ATG7: variants seen among roughly 807,000 people sequenced by gnomAD.
The protein encoded by ATG7 is ubiquitin-like modifier-activating enzyme ATG7.
In ATG7, 70 loss-of-function variants were observed where a neutral mutation model predicts 82.4. The observed-to-expected ratio is 0.85, with a 90% CI of 0.70 to 1.04. The LOEUF (loss-of-function observed/expected upper bound fraction) is 1.04. ATG7 is among the 50% of genes least tolerant of loss of function. ATG7 has a pLI of 0.00. For synonymous variants in ATG7, 287 were observed against 313.0 expected (o/e 0.92, Z 0.88); for missense variants, 792 against 864.3 (o/e 0.92, Z 1.05).
intron 20 of ATG7, among the ~76,000 whole-genome samples, chr3:11,512,681 C>G (rs1298016848): frequency 3.3e-5 from 5 of 152,152 alleles, no homozygotes; most frequent in Non-Finnish European, 7.4e-5. Context: ...AGTGTTACAG[C>G]TCATAAAAGC....
At chr3:11,319,702 TG>T (rs1313764106) in intron 9 of ATG7, among the ~76,000 whole-genome samples, 1 of 152,248 alleles carries the variant, frequency 6.6e-6, no homozygotes, top group Non-Finnish European at 1.5e-5. Flanking sequence ...AGAATGATGC[TG>T]CTTCTATCCA....
intron 20 of ATG7, among the ~76,000 whole-genome samples, chr3:11,513,778 C>T (rs774357688): frequency 2.2e-4 from 33 of 152,320 alleles, no homozygotes; most frequent in Non-Finnish European, 4.4e-4. Flanking sequence ...GCGAGGGCTG[C>T]GAGGGCTGCC....
intron 6 of ATG7, 128 bp downstream of exon 6, chr3:11,307,188 C>A: frequency 2.4e-6 from 2 of 848,974 alleles, no homozygotes; most frequent in Non-Finnish European, 3.9e-6. Flanking sequence ...CACTTGTGGG[C>A]TTTGGTATAT....
chr3:11,464,803 T>G (rs1169444425), intron 20 of ATG7, among the ~76,000 whole-genome samples: 1 of 152,204 alleles, frequency 6.6e-6, no homozygotes, highest in Non-Finnish European at 1.5e-5. Flanking sequence ...GCTCTACTGC[T>G]TCTTTGCTGT....
intron 9 of ATG7, among the ~76,000 whole-genome samples, chr3:11,320,497 G>A (rs1459035341): frequency 1.3e-5 from 2 of 151,872 alleles, no homozygotes; most frequent in Non-Finnish European, 2.9e-5. Context: ...CATGTTGGCC[G>A]GGCCAGTCTC....
At chr3:11,452,872 A>C (rs970891130) in intron 20 of ATG7, among the ~76,000 whole-genome samples, 5 of 152,280 alleles carry the variant, frequency 3.3e-5, no homozygotes, top group African/African-American at 1.2e-4. Context: ...TGTTACCAGC[A>C]ATATTTCACA....
At chr3:11,431,589 C>A (rs986807429) in intron 20 of ATG7, among the ~76,000 whole-genome samples, 1 of 152,310 alleles carries the variant, frequency 6.6e-6, no homozygotes, top group East Asian at 1.9e-4. Context: ...AACCACTAAT[C>A]TTCTTTCTGT....
intron 19 of ATG7, among the ~76,000 whole-genome samples, chr3:11,407,957 T>C (rs1368270797): frequency 6.6e-6 from 1 of 152,266 alleles, no homozygotes. Context: ...GATTAACATT[T>C]TGGCTCCTAG....
At chr3:11,275,012 A>G (rs1195910696) in intron 1 of ATG7, among the ~76,000 whole-genome samples, 1 of 151,958 alleles carries the variant, frequency 6.6e-6, no homozygotes, top group Non-Finnish European at 1.5e-5. Flanking sequence ...AGTTGGGTAT[A>G]GTTGCAGTGA....
Position 11,508,298 on chromosome 3 carries a change from G to A in ATG7, c.2080-46513G>A, listed in dbSNP as rs7645224. 9.0e-3 allele frequency among the ~76,000 whole-genome samples: 1,362 copies of A among 151,048 alleles called. 22 individuals are homozygous for A. The highest frequency in any genetic ancestry group is 0.032 in the African/African-American group (1,309 of 41,088). ...CACGTTGGAAGAATAATTACCTTGG[G>A]CCGCACATAAAATACACTAACGATA... On this transcript the variant is annotated intron_variant, in intron 20 of 20. Coordinates refer to ENST00000693202, the MANE Select transcript of ATG7 (RefSeq NM_001349232.2).
chr3:11,387,584 A>G (rs1041473576), intron 19 of ATG7, among the ~76,000 whole-genome samples: 1 of 152,098 alleles, frequency 6.6e-6, no homozygotes, highest in African/African-American at 2.4e-5. Context: ...AATCTCATTC[A>G]CCTCTAGTCT....
At chr3:11,482,907 G>A (rs898617428) in intron 20 of ATG7, among the ~76,000 whole-genome samples, 1 of 151,462 alleles carries the variant, frequency 6.6e-6, no homozygotes, top group Non-Finnish European at 1.5e-5. Context: ...CCCAGATTGG[G>A]AGATAGAACA....
intron 19 of ATG7, among the ~76,000 whole-genome samples, chr3:11,403,075 A>G (rs1423650220): frequency 6.6e-6 from 1 of 152,230 alleles, no homozygotes; most frequent in Non-Finnish European, 1.5e-5. Flanking sequence ...CTAACATACC[A>G]TTTATAAATA....
chr3:11,517,931 C>T (rs1161548172), intron 20 of ATG7, among the ~76,000 whole-genome samples: 1 of 152,162 alleles, frequency 6.6e-6, no homozygotes, highest in Non-Finnish European at 1.5e-5. Flanking sequence ...GAAAGATGGG[C>T]ACAGTGTGAG....
intron 20 of ATG7, among the ~76,000 whole-genome samples, chr3:11,449,601 G>T (rs1266427707): frequency 6.6e-6 from 1 of 152,112 alleles, no homozygotes; most frequent in Non-Finnish European, 1.5e-5. Context: ...CCTTCCCTTG[G>T]GTTATGGCTC....
At chr3:11,482,940 C>T (rs1047097328) in intron 20 of ATG7, among the ~76,000 whole-genome samples, 3 of 151,924 alleles carry the variant, frequency 2.0e-5, no homozygotes, top group Admixed American at 6.6e-5. Flanking sequence ...GAGAAGCCCC[C>T]CCTTGAGCCC....
chr3:11,306,889 C>G, intron 5 of ATG7, 54 bp from the exon 6 acceptor site: 1 of 1,429,218 alleles, frequency 7.0e-7, no homozygotes, highest in Non-Finnish European at 9.9e-7. Flanking sequence ...TGACTTGTCT[C>G]TCCCTGGCTG....
intron 11 of ATG7, among the ~76,000 whole-genome samples, chr3:11,338,195 A>G (rs749472243): frequency 2.6e-5 from 4 of 152,112 alleles, no homozygotes; most frequent in African/African-American, 7.2e-5. Flanking sequence ...CTTATAACTG[A>G]GAACATGTAG....
chr3:11,468,396 T>A (rs1020900441), intron 20 of ATG7, among the ~76,000 whole-genome samples: 1 of 152,084 alleles, frequency 6.6e-6, no homozygotes, highest in African/African-American at 2.4e-5. Context: ...GCCTCGCCTA[T>A]CCTCCTCCCC....
Sources: allele counts gnomAD v4.1 joint callset (sites outside exome capture counted in the v4.1 genomes callset), GRCh38; gene constraint gnomAD v4.1.1; transcripts MANE v1.5; gene names NCBI Gene and HGNC (gene_info 2026-07-23, HGNC 2026-07-21).